Variants in KLRG1 observed in about 807,000 individuals in gnomAD.
KLRG1 encodes killer cell lectin like receptor G1.
In KLRG1, 16 loss-of-function variants were observed where a neutral mutation model predicts 21.8. The observed-to-expected ratio is 0.73, with a 90% CI of 0.50 to 1.11. The LOEUF (loss-of-function observed/expected upper bound fraction) is 1.11, where lower values mean the gene tolerates loss of function less well. Ranked by LOEUF, KLRG1 falls within the 50% of genes most tolerant of loss-of-function variation. The pLI is 0.00. For synonymous variants in KLRG1, 69 were observed against 75.9 expected (o/e 0.91, Z 0.47); for missense variants, 173 against 218.3 (o/e 0.79, Z 1.31).
At chr12:9,200,547 T>C in the KLRG1 span, 5 of 921,040 alleles carry the variant, frequency 5.4e-6, no homozygotes, top group Non-Finnish European at 6.7e-6. Context: ...AATAACACTC[T>C]GAATGTTAGA....
chr12:9,023,540 G>A, the KLRG1 span, among the ~76,000 whole-genome samples: 18 of 151,722 alleles, frequency 1.2e-4, no homozygotes, highest in Admixed American at 6.6e-5. Flanking sequence ...GGTCGGTAAT[G>A]TATTTCTATT....
the KLRG1 span, among the ~76,000 whole-genome samples, chr12:9,141,547 A>G: frequency 1.0e-3 from 152 of 152,322 alleles, 2 homozygotes; most frequent in Admixed American, 8.8e-3. Flanking sequence ...ATACTTCTTC[A>G]ACTTTAGCCA....
At chr12:9,030,242 G>C in the KLRG1 span, among the ~76,000 whole-genome samples, 1 of 152,156 alleles carries the variant, frequency 6.6e-6, no homozygotes, top group South Asian at 2.1e-4. Context: ...GGGGTGGGCA[G>C]GTGGCACGTG....
chr12:9,153,223 C>T, the KLRG1 span: 2 of 1,614,182 alleles, frequency 1.2e-6, no homozygotes. Flanking sequence ...TTGTTGTTGT[C>T]TACTTGGAAA....
chr12:9,131,813 T>A, the KLRG1 span, among the ~76,000 whole-genome samples: 4 of 151,956 alleles, frequency 2.6e-5, no homozygotes, highest in African/African-American at 9.7e-5. Context: ...TCTAAATTTC[T>A]AAGATATAAC....
At chr12:9,153,495 T>C in the KLRG1 span, 1 of 599,012 alleles carries the variant, frequency 1.7e-6, no homozygotes, top group Non-Finnish European at 2.9e-6. Context: ...TCTCTGCCTT[T>C]CAGACATTAT....
the KLRG1 span, among the ~76,000 whole-genome samples, chr12:9,147,193 C>T: frequency 1.3e-5 from 2 of 152,214 alleles, no homozygotes; most frequent in African/African-American, 4.8e-5. Flanking sequence ...TGTCCACACA[C>T]TCTGCTGACC....
chr12:8,955,910 GCAATGCCTTTTAGCCAAT>G (rs1946284331), intron 1 of KLRG1, among the ~76,000 whole-genome samples: 1 of 151,938 alleles, frequency 6.6e-6, no homozygotes, highest in South Asian at 2.1e-4. Flanking sequence ...GAGAACTCCC[GCAATGCCTTTTAGCCAAT>G]CAAATGGTGC....
chr12:9,203,524 G>A, the KLRG1 span, among the ~76,000 whole-genome samples: 1,618 of 151,946 alleles, frequency 0.011, 38 homozygotes, highest in African/African-American at 0.037. Context: ...TGTATTTTTG[G>A]TAGAGACGGG....
chr12:8,979,876 T>C (rs1946726586), intron 1 of KLRG1, among the ~76,000 whole-genome samples: 1 of 152,150 alleles, frequency 6.6e-6, no homozygotes, highest in African/African-American at 2.4e-5. Context: ...CATGTATTCT[T>C]CAGCTCTATA....
the KLRG1 span, among the ~76,000 whole-genome samples, chr12:9,131,618 CT>C: frequency 4.3e-4 from 65 of 152,044 alleles, no homozygotes; most frequent in Admixed American, 3.6e-3. Flanking sequence ...TTGTTCATTG[CT>C]GTATTCCCAG....
the KLRG1 span, among the ~76,000 whole-genome samples, chr12:9,086,563 G>T: frequency 2.0e-5 from 3 of 152,318 alleles, no homozygotes; most frequent in South Asian, 6.2e-4. Context: ...TTGTTAGATG[G>T]AGAAAAAGTA....
chr12:9,019,558 G>T, the KLRG1 span, among the ~76,000 whole-genome samples: 3 of 152,114 alleles, frequency 2.0e-5, no homozygotes, highest in African/African-American at 7.2e-5. Context: ...GAAAAATGTG[G>T]TACATATACA....
chr12:9,081,166 G>A, the KLRG1 span, among the ~76,000 whole-genome samples: 3 of 152,028 alleles, frequency 2.0e-5, no homozygotes, highest in East Asian at 5.8e-4. Context: ...AACTGAGTCA[G>A]AAAAAAACTA....
At chr12:9,122,704 A>T in the KLRG1 span, among the ~76,000 whole-genome samples, 1 of 152,144 alleles carries the variant, frequency 6.6e-6, no homozygotes, top group African/African-American at 2.4e-5. Flanking sequence ...AAAATTTATT[A>T]AAAAGTAATT....
the KLRG1 span, chr12:9,194,242 A>G: frequency 2.5e-6 from 4 of 1,613,410 alleles, no homozygotes; most frequent in Non-Finnish European, 3.4e-6. Flanking sequence ...GAAGCACCTA[A>G]AGAAGAAAAG....
chr12:8,963,487 A>G (rs988449034), intron 1 of KLRG1, among the ~76,000 whole-genome samples: 12 of 152,162 alleles, frequency 7.9e-5, no homozygotes, highest in African/African-American at 2.7e-4. Flanking sequence ...ATATTGGTCT[A>G]AGATTCTCTT....
chr12:9,164,132 C>T, the KLRG1 span: 2 of 1,610,682 alleles, frequency 1.2e-6, no homozygotes, highest in Non-Finnish European at 1.7e-6. Flanking sequence ...CTGTCACTCA[C>T]CCAGAGTTTT....
the KLRG1 span, among the ~76,000 whole-genome samples, chr12:9,198,178 A>G: frequency 0.56 from 83,534 of 150,504 alleles, 23,212 homozygotes; most frequent in Admixed American, 0.64. Context: ...GCAGGACCCA[A>G]TCTCTACAAG....
Sources: gnomAD v4.1 joint callset for allele counts (sites outside exome capture counted in the v4.1 genomes callset) on GRCh38, gnomAD v4.1.1 for gene constraint, MANE v1.5 for transcripts, NCBI Gene and HGNC (gene_info 2026-07-23, HGNC 2026-07-21) for gene names.